The following SLC4A8 variants were observed in gnomAD, a reference collection of about 807,000 sequenced individuals.
SLC4A8 encodes solute carrier family 4 member 8, also known as electroneutral sodium bicarbonate exchanger 1.
A neutral mutation model predicts 125.0 loss-of-function variants in SLC4A8; 40 were observed. The observed-to-expected ratio is 0.32, with a 90% CI of 0.25 to 0.42. The LOEUF (loss-of-function observed/expected upper bound fraction) is 0.42, where lower values mean the gene tolerates loss of function less well. Among genes scored for constraint, SLC4A8 ranks in the 10% least tolerant of loss-of-function variants. The pLI, the probability that SLC4A8 is intolerant of heterozygous loss-of-function variation, is 1.00. For missense variants in SLC4A8, 863 were observed against 1,355.1 expected (o/e 0.64, Z 5.70); for synonymous variants, 456 against 476.0 (o/e 0.96, Z 0.55).
At chr12:51,476,879 G>A (rs1229107022) in intron 16 of SLC4A8, among the ~76,000 whole-genome samples, 1 of 149,974 alleles carries the variant, frequency 6.7e-6, no homozygotes, top group African/African-American at 2.5e-5. Context: ...GTATAATACA[G>A]CATTTTCTTG....
At chr12:51,452,438 G>A (rs550286755) in intron 4 of SLC4A8, among the ~76,000 whole-genome samples, 179 bp downstream of exon 4, 1 of 152,196 alleles carries the variant, frequency 6.6e-6, no homozygotes, top group African/African-American at 2.4e-5. Flanking sequence ...TGATGTCTTT[G>A]GTGTTACCTA....
chr12:51,487,512 G>A (rs184111181), intron 17 of SLC4A8, among the ~76,000 whole-genome samples: 88 of 152,278 alleles, frequency 5.8e-4, no homozygotes, highest in Admixed American at 5.0e-3. Flanking sequence ...AACAGTCTGT[G>A]CTTTGTTTCT....
rs902687028 is a variant in SLC4A8 at position 51,494,992 on chromosome 12, A to C, written c.2817A>C (p.Pro939=). The C allele has an allele frequency of 6.2e-7, 1 of 1,614,226 alleles. No individual in the cohort carries two copies. The highest frequency in any genetic ancestry group is 8.5e-7 in the Non-Finnish European group (1 of 1,180,016). Residue 939 remains proline, a synonymous_variant, in exon 21 of 25, where the codon CCA becomes CCC. Coordinates refer to ENST00000453097, the MANE Select transcript of SLC4A8 (RefSeq NM_001039960.3). The part of the protein sequence containing the change: ...KLFGMPAKHQ[P]DFIYLRHVPL... ...TTGGGATGCCCGCAAAGCACCAGCC[A>C]GATTTCATCTACCTGCGGCATGTGC...
intron 5 of SLC4A8, among the ~76,000 whole-genome samples, chr12:51,454,438 CCT>C (rs1950072052): frequency 7.2e-6 from 1 of 139,810 alleles, no homozygotes; most frequent in Non-Finnish European, 1.5e-5. Flanking sequence ...AGCCCGCCAG[CCT>C]CTGAGTTCCC....
chr12:51,474,797 G>T (rs1457597146), intron 15 of SLC4A8, among the ~76,000 whole-genome samples: 1 of 152,132 alleles, frequency 6.6e-6, no homozygotes, highest in Admixed American at 6.5e-5. Flanking sequence ...AGTTGCCAGG[G>T]TCCTTCCAGA....
At chr12:51,487,788 GT>G (rs142542989) in intron 17 of SLC4A8, among the ~76,000 whole-genome samples, 12 of 152,314 alleles carry the variant, frequency 7.9e-5, no homozygotes, top group Non-Finnish European at 1.3e-4. Context: ...CTGGACCCCT[GT>G]TTCACTATTG....
intron 1 of SLC4A8, among the ~76,000 whole-genome samples, chr12:51,406,738 A>G (rs1436630052): frequency 1.3e-5 from 2 of 152,216 alleles, no homozygotes; most frequent in Non-Finnish European, 2.9e-5. Context: ...GTGCAGCAAT[A>G]TCAGGTCTGT....
At chr12:51,457,186 A>G (rs1218525542) in intron 5 of SLC4A8, among the ~76,000 whole-genome samples, 165 bp from the exon 6 acceptor site, 1 of 152,214 alleles carries the variant, frequency 6.6e-6, no homozygotes, top group Non-Finnish European at 1.5e-5. Context: ...CACAGTCACT[A>G]TCATCAAATG....
rs532954075 is a variant in SLC4A8, at chr12:51,495,671, G to A, written c.2943+553G>A. Reference sequence around the variant, plus strand: ...TTTTTGTATTTTTTTTAGTAGAGACGGGGTTTCACTGTGTTGGCCAGGCTG... The same window carrying A: ...TTTTTGTATTTTTTTTAGTAGAGACAGGGTTTCACTGTGTTGGCCAGGCTG... On this transcript the variant is annotated intron_variant, in intron 21 of 24. Transcript: ENST00000453097. Among the ~76,000 whole-genome samples, 8 of 151,498 alleles carry A rather than the reference G, an allele frequency of 5.3e-5. No homozygotes were observed. In the South Asian group the frequency reaches 8.4e-4, roughly 16 times the overall value.
chr12:51,405,385 A>G (rs1948465626), intron 1 of SLC4A8, among the ~76,000 whole-genome samples: 1 of 152,084 alleles, frequency 6.6e-6, no homozygotes, highest in African/African-American at 2.4e-5. Flanking sequence ...AGAGGTCACC[A>G]TTTCTCTGCT....
chr12:51,495,260 C>A, intron 21 of SLC4A8, 142 bp downstream of exon 21: 1 of 676,370 alleles, frequency 1.5e-6, no homozygotes, highest in Non-Finnish European at 2.4e-6. Context: ...GCTATTACCA[C>A]CCTCCAGCTC....
At chr12:51,480,480 A>T in intron 16 of SLC4A8, 1 of 1,053,774 alleles carries the variant, frequency 9.5e-7, no homozygotes, top group Non-Finnish European at 1.1e-6. Context: ...TCTGTGTGAG[A>T]CATGGTGGTA....
intron 1 of SLC4A8, among the ~76,000 whole-genome samples, chr12:51,392,547 T>TG (rs1160430207): frequency 1.6e-5 from 2 of 127,838 alleles, no homozygotes; most frequent in Non-Finnish European, 3.1e-5. Context: ...CACTCCAGCC[T>TG]GGCGACAGAG....
chr12:51,414,997 C>A (rs7954659), intron 1 of SLC4A8, among the ~76,000 whole-genome samples: 1 of 151,990 alleles, frequency 6.6e-6, no homozygotes, highest in Non-Finnish European at 1.5e-5. Context: ...TGCATCCCTG[C>A]GATAAATCCC....
chr12:51,402,966 C>G (rs562760619), intron 1 of SLC4A8: 58 of 315,058 alleles, frequency 1.8e-4, no homozygotes, highest in Admixed American at 3.5e-4. Context: ...AGAATCCCCC[C>G]CAGTGAAAGG....
At chr12:51,471,823 C>T (rs1214617602) in intron 14 of SLC4A8, among the ~76,000 whole-genome samples, 2 of 152,162 alleles carry the variant, frequency 1.3e-5, no homozygotes, top group African/African-American at 4.8e-5. Flanking sequence ...GCAAATGTAG[C>T]AGGGAGAATT....
At chr12:51,496,842 A>T in intron 21 of SLC4A8, 145 bp from the exon 22 acceptor site, 1 of 729,310 alleles carries the variant, frequency 1.4e-6, no homozygotes, top group East Asian at 2.6e-5. Context: ...CAAAGAAAGC[A>T]TTCAATAAAT....
chr12:51,477,001 G>A (rs76091298), intron 16 of SLC4A8, among the ~76,000 whole-genome samples: 2,122 of 150,382 alleles, frequency 0.014, 57 homozygotes, highest in East Asian at 0.1. Flanking sequence ...TCTGCCTCCC[G>A]GGTTCAAGTG....
intron 2 of SLC4A8, among the ~76,000 whole-genome samples, chr12:51,449,448 A>T (rs78393705): frequency 6.6e-6 from 1 of 151,566 alleles, no homozygotes; most frequent in East Asian, 1.9e-4. Flanking sequence ...AAAAAAAAAA[A>T]CTGATGCAAA....
Sources: allele counts gnomAD v4.1 joint callset (sites outside exome capture counted in the v4.1 genomes callset), GRCh38; gene constraint gnomAD v4.1.1; transcripts MANE v1.5; gene names NCBI Gene and HGNC (gene_info 2026-07-23, HGNC 2026-07-21).